Variants in CMSS1 observed in about 807,000 individuals in gnomAD.
CMSS1 encodes the protein cms1 ribosomal small subunit homolog.
Under a neutral mutation model 43.5 loss-of-function variants are expected in CMSS1, and 33 were observed. That is an observed-to-expected ratio of 0.76 (90% CI 0.57 to 1.01). CMSS1 has a LOEUF of 1.01. Among genes scored for constraint, CMSS1 ranks in the 50% least tolerant of loss-of-function variants. The pLI is 0.00. For synonymous variants in CMSS1, 115 were observed against 117.2 expected, an observed-to-expected ratio of 0.98 and a Z score of 0.12; for missense variants, 313 against 326.4, an observed-to-expected ratio of 0.96 and a Z score of 0.32.
chr3:100,116,629 C>T lies in CMSS1; in HGVS notation c.65-30344C>T, dbSNP rs77938338. ...AGGCTAGGAAACACAAACACACACG[C>T]GCGCCTATATCTGTTGCTCTGTCTA... On this transcript the variant is annotated intron_variant, in intron 1 of 9. Transcript: ENST00000421999. Among the ~76,000 whole-genome samples the T allele has an allele frequency of 1.1e-4, 17 of 152,316 alleles. No individual in the cohort carries two copies. In the South Asian group the frequency reaches 1.2e-3, roughly 11 times the overall value.
rs1278031154 is a variant in CMSS1 at position 99,910,232 on chromosome 3, AT to A, written c.64+92190del. ...AAGGCTTAGAGAGGATTAAAAGGCT[AT>A]AAAAATTTAAATAACTTCATCCAGT... On this transcript the variant is annotated intron_variant, in intron 1 of 9. Transcript: ENST00000421999. 1.5e-5 allele frequency among the ~76,000 whole-genome samples: 2 copies of A among 136,772 alleles called. 1 individual carries two copies. Among genetic ancestry groups the A allele is most frequent in the East Asian group, 4.0e-4 (2 of 4,950 alleles). The allele number at this position is 136,772 out of a possible 152,430, so 89.7% of individuals were successfully genotyped here.
chr3:99,919,817 A>C lies in CMSS1; in HGVS notation c.64+101774A>C, dbSNP rs1193345613. On this transcript the variant is annotated intron_variant, in intron 1 of 9. Transcript: ENST00000421999. ...GGTGGAAGTGCTTTGTTCTTCATTG[A>C]AACTTAACAGCAAAGAACTTCCCAG... is the stretch of plus-strand genomic sequence containing the variant. Among the ~76,000 whole-genome samples the C allele has an allele frequency of 1.3e-5, 2 of 152,240 alleles. 1 individual carries two copies. Among genetic ancestry groups the C allele is most frequent in the African/African-American group, 4.8e-5 (2 of 41,462 alleles).
intron 1 of CMSS1, among the ~76,000 whole-genome samples, chr3:99,912,468 C>T (rs889001813): frequency 6.6e-6 from 1 of 152,178 alleles, no homozygotes; most frequent in Non-Finnish European, 1.5e-5. Flanking sequence ...CCTTGACCTC[C>T]CTGGACTCAG....
rs564817472 is a variant in CMSS1, at chr3:100,147,197, A to G, written c.153+136A>G. The G allele has an allele frequency of 9.1e-6, 8 of 882,368 alleles. No homozygotes were observed. The South Asian group carries it at 2.2e-4, about 25-fold the overall frequency. 54.7% of individuals were successfully genotyped at this position (882,368 alleles called of 1,614,324 possible). ...GAGCCTTTTACTTTCTTTCCCTTTG[A>G]AAAGGCCATGGGCCATGCTTCCTTC... On this transcript the variant is annotated intron_variant, in intron 2 of 9. Coordinates refer to ENST00000421999, the MANE Select transcript of CMSS1 (RefSeq NM_032359.4).
intron 1 of CMSS1, among the ~76,000 whole-genome samples, chr3:100,063,501 AG>A (rs2107351043): frequency 6.6e-6 from 1 of 152,298 alleles, no homozygotes; most frequent in East Asian, 1.9e-4. Flanking sequence ...TTTAAAAAAA[AG>A]AAAAACTTTA....
At chr3:99,869,557 C>A (rs898275421) in intron 1 of CMSS1, among the ~76,000 whole-genome samples, 24 of 152,176 alleles carry the variant, frequency 1.6e-4, no homozygotes, top group African/African-American at 5.8e-4. Flanking sequence ...CAAGTTAAGA[C>A]TAAGGGACTT....
chr3:99,865,052 T>C (rs1369115206), intron 1 of CMSS1, among the ~76,000 whole-genome samples: 3 of 152,172 alleles, frequency 2.0e-5, no homozygotes, highest in Admixed American at 6.5e-5. Context: ...ATTTTTGAAA[T>C]AGGTACCATA....
At chr3:99,888,079 C>A (rs928095863) in intron 1 of CMSS1, among the ~76,000 whole-genome samples, 16 of 152,152 alleles carry the variant, frequency 1.1e-4, no homozygotes, top group African/African-American at 3.9e-4. Context: ...TAGGTACTAT[C>A]TTCGGACAAT....
chr3:99,829,502 G>A (rs1033652891), intron 1 of CMSS1, among the ~76,000 whole-genome samples: 7 of 152,178 alleles, frequency 4.6e-5, no homozygotes, highest in African/African-American at 1.7e-4. Context: ...AACTGGAAGG[G>A]ACCTGAGGAA....
At chr3:100,124,063 A>G (rs535297753) in intron 1 of CMSS1, among the ~76,000 whole-genome samples, 1 of 152,334 alleles carries the variant, frequency 6.6e-6, no homozygotes, top group East Asian at 1.9e-4. Flanking sequence ...TACTATTTTC[A>G]GTCTATGACA....
intron 1 of CMSS1, among the ~76,000 whole-genome samples, chr3:100,118,740 T>G (rs1262744238): frequency 6.6e-6 from 1 of 152,164 alleles, no homozygotes; most frequent in Non-Finnish European, 1.5e-5. Flanking sequence ...CCCTTTCCTG[T>G]GGCCTTTCTG....
At chr3:100,142,880 A>G (rs998679904) in intron 1 of CMSS1, among the ~76,000 whole-genome samples, 1 of 152,208 alleles carries the variant, frequency 6.6e-6, no homozygotes, top group African/African-American at 2.4e-5. Flanking sequence ...ACACTGGGTC[A>G]AGTACTTTGG....
At chr3:99,826,032 T>A (rs1942530857) in intron 1 of CMSS1, among the ~76,000 whole-genome samples, 1 of 152,078 alleles carries the variant, frequency 6.6e-6, no homozygotes, top group Non-Finnish European at 1.5e-5. Context: ...TGCCTCCGCC[T>A]CCCAAAGTGC....
chr3:100,065,184 C>T (rs2065643158), intron 1 of CMSS1, among the ~76,000 whole-genome samples: 2 of 152,166 alleles, frequency 1.3e-5, no homozygotes. Context: ...TCCCAGGCCC[C>T]ACCCCAGACT....
chr3:100,020,685 A>G (rs1169446129), intron 1 of CMSS1, among the ~76,000 whole-genome samples: 3 of 152,100 alleles, frequency 2.0e-5, no homozygotes, highest in Admixed American at 2.0e-4. Flanking sequence ...GATTTCATTT[A>G]AAAATTGCAA....
intron 1 of CMSS1, among the ~76,000 whole-genome samples, chr3:100,068,350 C>CTGTGTGTGTG (rs62958661): frequency 3.1e-4 from 46 of 149,516 alleles, no homozygotes; most frequent in African/African-American, 1.1e-3. Context: ...GAAAGAGCCT[C>CTGTGTGTGTG]TGTGTGTGTG....
chr3:100,172,451 C>T, intron 8 of CMSS1, 48 bp downstream of exon 8: 1 of 1,409,896 alleles, frequency 7.1e-7, no homozygotes, highest in East Asian at 2.3e-5. Flanking sequence ...GGGAGTTTGC[C>T]TTACCTACAT....
intron 2 of CMSS1, among the ~76,000 whole-genome samples, chr3:100,148,875 C>T (rs1247846579): frequency 1.3e-5 from 2 of 151,808 alleles, no homozygotes; most frequent in African/African-American, 4.8e-5. Context: ...AAATATTTTG[C>T]TCAAAGGCCC....
intron 1 of CMSS1, among the ~76,000 whole-genome samples, chr3:100,003,646 C>T (rs1038779630): frequency 6.6e-6 from 1 of 152,022 alleles, no homozygotes; most frequent in East Asian, 1.9e-4. Context: ...TTTGTGTACT[C>T]GAGAAGTTTT....
Sources: gnomAD v4.1 joint callset for allele counts (sites outside exome capture counted in the v4.1 genomes callset) on GRCh38, gnomAD v4.1.1 for gene constraint, MANE v1.5 for transcripts, NCBI Gene and HGNC (gene_info 2026-07-23, HGNC 2026-07-21) for gene names.